FBXW7: variants seen among roughly 807,000 people sequenced by gnomAD.
FBXW7 encodes the protein F-box/WD repeat-containing protein 7.
In FBXW7, 11 loss-of-function variants were observed where a neutral mutation model predicts 86.3. The ratio of observed to expected loss-of-function variants is 0.13; its 90% CI spans 0.08 to 0.21. The LOEUF (loss-of-function observed/expected upper bound fraction) is 0.21. FBXW7 is among the 10% of genes least tolerant of loss of function. FBXW7 has a pLI of 1.00. For synonymous variants in FBXW7, 313 were observed against 297.9 expected, an observed-to-expected ratio of 1.05 and a Z score of -0.52; for missense variants, 488 against 847.4, an observed-to-expected ratio of 0.58 and a Z score of 5.27.
At chr4:152,445,259 C>T (rs978196381) in intron 2 of FBXW7, among the ~76,000 whole-genome samples, 15 of 152,270 alleles carry the variant, frequency 9.9e-5, no homozygotes, top group Non-Finnish European at 1.9e-4. Context: ...ATTAGGTAAT[C>T]ATTTATATTA....
At position 152,535,940 on chromosome 4, in the gene FBXW7, C is replaced by T; in HGVS notation, c.-1026G>A. The T allele has an allele frequency of 9.8e-6, 3 of 306,482 alleles. No individual in the cohort carries two copies. Among genetic ancestry groups the T allele is most frequent in the Non-Finnish European group, 1.8e-5 (3 of 166,294 alleles). 19.0% of individuals were successfully genotyped at this position (306,482 alleles called of 1,614,324 possible). ...CTGGCCCAGGTGAGAGCGAAGGTCT[C>T]GGCGGCGGCCAGTGCAGGGGGACTG... On this transcript the variant is annotated 5_prime_UTR_variant, in exon 1 of 14. Transcript: ENST00000281708.
At chr4:152,527,708 G>A (rs1749642798) in intron 2 of FBXW7, among the ~76,000 whole-genome samples, 1 of 151,746 alleles carries the variant, frequency 6.6e-6, no homozygotes, top group Non-Finnish European at 1.5e-5. Flanking sequence ...TGAGCCCAGG[G>A]GGTCACGGCT....
At chr4:152,412,059 A>G (rs1738016784) in intron 3 of FBXW7, among the ~76,000 whole-genome samples, 187 bp from the exon 4 acceptor site, 1 of 152,206 alleles carries the variant, frequency 6.6e-6, no homozygotes, top group Non-Finnish European at 1.5e-5. Flanking sequence ...AAGACTTTAT[A>G]AAGACATGCA....
At chr4:152,479,975 A>G (rs1436145076) in intron 2 of FBXW7, among the ~76,000 whole-genome samples, 8 of 152,158 alleles carry the variant, frequency 5.3e-5, no homozygotes. Context: ...ACAATTCTCT[A>G]AAGGAGGGCC....
chr4:152,367,271 A>G (rs1159529875), intron 4 of FBXW7, among the ~76,000 whole-genome samples: 1 of 152,182 alleles, frequency 6.6e-6, no homozygotes, highest in Non-Finnish European at 1.5e-5. Context: ...AACTTAAAGT[A>G]TAAAAAAAAA....
intron 8 of FBXW7, among the ~76,000 whole-genome samples, chr4:152,331,747 C>G (rs143956561): frequency 6.6e-6 from 1 of 152,028 alleles, no homozygotes; most frequent in Non-Finnish European, 1.5e-5. Flanking sequence ...CATGTTATCA[C>G]AATTTTTAAA....
chr4:152,452,662 A>T (rs1419755365), intron 2 of FBXW7, among the ~76,000 whole-genome samples: 1 of 152,222 alleles, frequency 6.6e-6, no homozygotes, highest in Non-Finnish European at 1.5e-5. Context: ...AGGAAAAGGG[A>T]AATGTGACAT....
chr4:152,404,517 A>T (rs918992091), intron 4 of FBXW7, among the ~76,000 whole-genome samples: 11 of 152,200 alleles, frequency 7.2e-5, no homozygotes, highest in Non-Finnish European at 1.3e-4. Flanking sequence ...CATAATTAAG[A>T]TCACACTGTA....
At chr4:152,376,681 T>TGAGA (rs1734552897) in intron 4 of FBXW7, among the ~76,000 whole-genome samples, 1 of 152,078 alleles carries the variant, frequency 6.6e-6, no homozygotes, top group Non-Finnish European at 1.5e-5. Context: ...AGAGGTCCTA[T>TGAGA]GAGAGGTGCT....
At chr4:152,385,866 A>C (rs554564074) in intron 4 of FBXW7, among the ~76,000 whole-genome samples, 1 of 152,250 alleles carries the variant, frequency 6.6e-6, no homozygotes, top group Admixed American at 6.5e-5. Flanking sequence ...TGGAAAAAGA[A>C]GACATTATCA....
intron 4 of FBXW7, among the ~76,000 whole-genome samples, chr4:152,392,473 G>A (rs772607914): frequency 7.2e-5 from 11 of 151,992 alleles, no homozygotes; most frequent in South Asian, 2.1e-4. Flanking sequence ...GAGATGATAC[G>A]GAAAAAGAAT....
At position 152,445,937 on chromosome 4, in the gene FBXW7, A is replaced by C. The variant is rs962022449; in HGVS notation, c.-119-33408T>G. 3.6e-3 allele frequency among the ~76,000 whole-genome samples: 471 copies of C among 132,500 alleles called. 3 individuals are homozygous for C. Among genetic ancestry groups the C allele is most frequent in the Non-Finnish European group, 4.3e-3 (274 of 63,602 alleles). The allele number at this position is 132,500 out of a possible 152,430, so 86.9% of individuals were successfully genotyped here. A position where few individuals can be genotyped will look rare whatever the true frequency, so the allele number is the denominator to read the frequency against. On this transcript the variant is annotated intron_variant, in intron 2 of 13. Transcript: ENST00000281708. Reference sequence around the variant, plus strand: ...AAAAAAAAAAAAAAAAAAAAAAAAAAAAAAACCAAAGTGCTTAGTACAGCA... The same window carrying C: ...AAAAAAAAAAAAAAAAAAAAAAAAACAAAAACCAAAGTGCTTAGTACAGCA...
intron 2 of FBXW7, among the ~76,000 whole-genome samples, chr4:152,452,714 T>TA (rs1742018695): frequency 6.6e-6 from 1 of 152,230 alleles, no homozygotes; most frequent in Non-Finnish European, 1.5e-5. Context: ...GAACAGCTTC[T>TA]AAAACTCATC....
rs570783461 is a variant in FBXW7 at position 152,329,915 on chromosome 4, T to A, written c.1123-130A>T. On this transcript the variant is annotated intron_variant, in intron 9 of 13. Transcript: ENST00000281708. ...TCTATCTCTAGAATTTAAATTTATA[T>A]AAAGCATTATTTTTCCTGGCTGACG... 182 of 459,190 alleles carry A rather than the reference T, an allele frequency of 4.0e-4. 1 individual carries two copies. The highest frequency in any genetic ancestry group is 3.4e-3 in the African/African-American group (169 of 49,102). The allele number at this position is 459,190 out of a possible 1,614,324, so 28.4% of individuals were successfully genotyped here.
At chr4:152,362,828 C>CAAAAA (rs35796895) in intron 4 of FBXW7, among the ~76,000 whole-genome samples, 31 of 78,958 alleles carry the variant, frequency 3.9e-4, no homozygotes, top group Admixed American at 8.9e-4. Flanking sequence ...CTCTCTCTCT[C>CAAAAA]AAAAAAAAAA....
intron 2 of FBXW7, among the ~76,000 whole-genome samples, chr4:152,422,526 A>G (rs1739035198): frequency 6.6e-6 from 1 of 152,216 alleles, no homozygotes; most frequent in Admixed American, 6.5e-5. Context: ...GATAATCCAG[A>G]TGACACTAGA....
rs2126491525 is a variant in FBXW7 at position 152,325,998 on chromosome 4, G to C, written c.1644+8C>G. 1 of 1,603,176 alleles carries C rather than the reference G, an allele frequency of 6.2e-7. No homozygotes were observed. The highest frequency in any genetic ancestry group is 8.5e-7 in the Non-Finnish European group (1 of 1,170,380). Reference sequence around the variant, plus strand: ...GAGAGCATTTAAGGGAGAGATAAGAGATCTTACCTGTAATGAATAGACTCT... The same window carrying C: ...GAGAGCATTTAAGGGAGAGATAAGACATCTTACCTGTAATGAATAGACTCT... On this transcript the variant is annotated splice_region_variant and intron_variant, in intron 12 of 13. Transcript: ENST00000281708.
intron 2 of FBXW7, among the ~76,000 whole-genome samples, chr4:152,414,205 T>C (rs1738231746): frequency 6.6e-6 from 1 of 152,136 alleles, no homozygotes; most frequent in Non-Finnish European, 1.5e-5. Context: ...TTAACACACA[T>C]TAGTTTATCT....
intron 2 of FBXW7, among the ~76,000 whole-genome samples, chr4:152,515,753 CTTTTTT>C (rs79255425): frequency 6.2e-5 from 8 of 129,712 alleles, no homozygotes. Flanking sequence ...CCACAACTCT[CTTTTTT>C]TTTTTTTTTT....
Sources: allele counts gnomAD v4.1 joint callset (sites outside exome capture counted in the v4.1 genomes callset), GRCh38; gene constraint gnomAD v4.1.1; transcripts MANE v1.5; gene names NCBI Gene and HGNC (gene_info 2026-07-23, HGNC 2026-07-21).